Variants in KCNN1 observed in about 807,000 individuals in gnomAD.
The protein encoded by KCNN1 is potassium calcium-activated channel subfamily N member 1, also known as small conductance calcium-activated potassium channel protein 1.
Under a neutral mutation model 44.7 loss-of-function variants are expected in KCNN1, and 20 were observed. The observed-to-expected ratio is 0.45, with a 90% CI of 0.32 to 0.65. KCNN1 has a LOEUF of 0.65. KCNN1 is among the 30% of genes least tolerant of loss of function. The pLI is 0.05. For synonymous variants in KCNN1, 324 were observed against 341.7 expected, an observed-to-expected ratio of 0.95 and a Z score of 0.57; for missense variants, 632 against 785.3, an observed-to-expected ratio of 0.80 and a Z score of 2.33.
At chr19:17,963,641 T>A (rs2031734648), upstream of KCNN1, among the ~76,000 whole-genome samples, 1 of 152,018 alleles carries the variant, frequency 6.6e-6, no homozygotes, top group African/African-American at 2.4e-5. Context: ...CTAAGAGACT[T>A]CCCTGACCAC....
At chr19:17,989,927 G>A (rs1252073763) in intron 7 of KCNN1, 84 bp downstream of exon 7, 5 of 1,599,682 alleles carry the variant, frequency 3.1e-6, no homozygotes, top group Admixed American at 3.4e-5. Context: ...GCCTCTTCAC[G>A]GCTCCCTGCC....
At chr19:17,982,642 G>C in intron 4 of KCNN1, 3 of 957,742 alleles carry the variant, frequency 3.1e-6, no homozygotes, top group Non-Finnish European at 3.7e-6. Flanking sequence ...CGCCATCCCC[G>C]ACCCGCTAGG....
At chr19:17,966,069 C>A (rs1599348385), upstream of KCNN1, among the ~76,000 whole-genome samples, 1 of 137,712 alleles carries the variant, frequency 7.3e-6, no homozygotes, top group African/African-American at 2.7e-5. Context: ...TCCTTCCTTC[C>A]TTCCTTCCTT....
intron 6 of KCNN1, among the ~76,000 whole-genome samples, chr19:17,989,051 C>T (rs1311141945): frequency 1.3e-5 from 2 of 152,170 alleles, no homozygotes; most frequent in African/African-American, 4.8e-5. Context: ...TGAGCCAGAC[C>T]GCCATATGCA....
chr19:17,991,486 C>G (rs898564584), intron 7 of KCNN1, among the ~76,000 whole-genome samples: 5 of 151,438 alleles, frequency 3.3e-5, no homozygotes, highest in Admixed American at 1.3e-4. Context: ...GTGGCTCACG[C>G]CTGTAATCCC....
At position 17,983,081 on chromosome 19, in the gene KCNN1, A is replaced by G. The variant is rs1459399403; in HGVS notation, c.917+954A>G. 6.6e-6 allele frequency among the ~76,000 whole-genome samples: 1 copy of G among 152,074 alleles called. No homozygotes were observed. The highest frequency in any genetic ancestry group is 2.4e-5 in the African/African-American group (1 of 41,416). ...ACCGGCCGTGCCTTTGGGACCTCCA[A>G]GCAGGAGGGAGTCTGTTGTAAATAC... On this transcript the variant is annotated intron_variant, in intron 4 of 9. Transcript: ENST00000684775. The surrounding 1 kb of genome is among the most constrained non-coding windows in gnomAD (Gnocchi z 4.5).
chr19:17,989,728 GCTGCTAACGT>G lies in KCNN1; in HGVS notation c.1184_1193del (p.Ala395ValfsTer15). ...TTTCTGGCCCCAGGTAAAAAACGCCGCTGCTAACGTTCTCAGGGAGACGTGGCTCATCTAC... is the reference window on the plus strand; with the variant it reads ...TTTCTGGCCCCAGGTAAAAAACGCCGTCTCAGGGAGACGTGGCTCATCTAC... On this transcript the variant is annotated frameshift_variant, in exon 7 of 10. Transcript: ENST00000684775. LOFTEE classifies it high-confidence loss of function. The G allele has an allele frequency of 6.2e-7, 1 of 1,613,784 alleles. No individual in the cohort carries two copies. The highest frequency in any genetic ancestry group is 8.5e-7 in the Non-Finnish European group (1 of 1,179,844).
At chr19:17,978,471 A>G (rs2032287045) in intron 3 of KCNN1, among the ~76,000 whole-genome samples, 1 of 142,786 alleles carries the variant, frequency 7.0e-6, no homozygotes, top group South Asian at 2.2e-4. Flanking sequence ...TCTGTCGCCC[A>G]GGCTGGAGTA....
At chr19:17,982,149 C>T in intron 4 of KCNN1, 22 bp downstream of exon 4, 3 of 1,360,518 alleles carry the variant, frequency 2.2e-6, no homozygotes, top group Middle Eastern at 2.4e-4. Context: ...GCCCCTGGAG[C>T]CCCCCCAGCC....
intron 5 of KCNN1, 113 bp from the exon 6 acceptor site, chr19:17,988,302 C>T: frequency 5.2e-6 from 4 of 762,600 alleles, no homozygotes; most frequent in Admixed American, 2.1e-5. Flanking sequence ...CAGATGGAAT[C>T]CACTCACACT....
intron 1 of KCNN1, among the ~76,000 whole-genome samples, chr19:17,953,617 C>T (rs1424010656): frequency 2.6e-5 from 4 of 152,214 alleles, no homozygotes; most frequent in African/African-American, 4.8e-5. Flanking sequence ...GCTACAGGCT[C>T]CCAGGGCAGC....
chr19:17,956,304 A>G (rs949201865), intron 2 of KCNN1, among the ~76,000 whole-genome samples: 1 of 152,196 alleles, frequency 6.6e-6, no homozygotes, highest in Non-Finnish European at 1.5e-5. Context: ...TGGAGAAAAC[A>G]GAGGTGGTGG....
rs772543995 is a variant in KCNN1, at chr19:17,967,270, AC to A, written c.-126del. 8.4e-5 allele frequency: 83 copies of A among 982,854 alleles called. No individual in the cohort carries two copies. Among genetic ancestry groups the A allele is most frequent in the Non-Finnish European group, 9.6e-5 (80 of 829,232 alleles). 60.9% of individuals were successfully genotyped at this position (982,854 alleles called of 1,614,324 possible). ...GACTGGGGGTCCGCGGCCGCGCGGGACCCTCTCCCCTCCAGCCTTGTCCGCC... is the reference window on the plus strand; with the variant it reads ...GACTGGGGGTCCGCGGCCGCGCGGGACCTCTCCCCTCCAGCCTTGTCCGCC... On this transcript the variant is annotated 5_prime_UTR_variant, in exon 1 of 10. The change creates a premature stop within an existing upstream ORF in the 5' untranslated region. Transcript: ENST00000684775.
At chr19:17,981,451 C>G (rs1185092419) in intron 3 of KCNN1, among the ~76,000 whole-genome samples, 2 of 151,446 alleles carry the variant, frequency 1.3e-5, no homozygotes, top group Non-Finnish European at 2.9e-5. Flanking sequence ...ACTCCGGAGG[C>G]TGAGGCAAGA....
intron 1 of KCNN1, among the ~76,000 whole-genome samples, chr19:17,971,053 T>C (rs758024549): frequency 2.4e-4 from 36 of 151,716 alleles, no homozygotes; most frequent in Admixed American, 5.3e-4. Context: ...CTGGCTAATT[T>C]TTGTAGTTTT....
intron 1 of KCNN1, among the ~76,000 whole-genome samples, chr19:17,967,595 A>G (rs1291201700): frequency 1.4e-5 from 2 of 145,328 alleles, no homozygotes; most frequent in African/African-American, 5.0e-5. Flanking sequence ...TCCAAACTGC[A>G]TAGATAGGGT....
At position 17,955,136 on chromosome 19, in the gene KCNN1, G is replaced by A. The variant is rs945271765; in HGVS notation, c.-82+455G>A. 3.4e-5 allele frequency among the ~76,000 whole-genome samples: 5 copies of A among 147,530 alleles called. No homozygotes were observed. In the South Asian group the frequency reaches 8.7e-4, roughly 26 times the overall value. On this transcript the variant is annotated intron_variant, in intron 2 of 10. Transcript: ENST00000222249. ...CGTGCACCTGTGGTCCTAGCTACTC[G>A]GAAGGCTAAGGTGGGAGTATCGAGT...
intron 7 of KCNN1, 115 bp downstream of exon 7, chr19:17,989,958 T>A (rs1271489261): frequency 6.8e-6 from 10 of 1,474,160 alleles, no homozygotes; most frequent in Non-Finnish European, 9.4e-6. Flanking sequence ...GGTCAGTTGG[T>A]TGGGGCCTGC....
chr19:17,991,436 G>A (rs2032793053), intron 7 of KCNN1, among the ~76,000 whole-genome samples: 1 of 152,236 alleles, frequency 6.6e-6, no homozygotes, highest in South Asian at 2.1e-4. Flanking sequence ...GGGCCACAGA[G>A]CAAGGCCTTG....
Sources: gnomAD v4.1 joint callset for allele counts (sites outside exome capture counted in the v4.1 genomes callset) on GRCh38, gnomAD v4.1.1 for gene constraint, Gnocchi (gnomAD v3.1) non-coding constraint, MANE v1.5 for transcripts, NCBI Gene and HGNC (gene_info 2026-07-23, HGNC 2026-07-21) for gene names.